ASCC3: variants seen among roughly 807,000 people sequenced by gnomAD.
ASCC3 encodes ASC-1 complex subunit P200.
ASCC3 carries 158 observed loss-of-function variants against 256.3 expected under a neutral mutation model. That is an observed-to-expected ratio of 0.62 (90% confidence interval 0.54 to 0.70). The LOEUF (loss-of-function observed/expected upper bound fraction) is 0.70. ASCC3 is among the 30% of genes least tolerant of loss of function. ASCC3 has a pLI of 0.00. For missense variants in ASCC3, 2,259 were observed against 2,626.0 expected (o/e 0.86, Z 3.05); for synonymous variants, 948 against 883.4 (o/e 1.07, Z -1.30).
chr6:100,652,543 G>C (rs1775723310), intron 18 of ASCC3, among the ~76,000 whole-genome samples, 182 bp downstream of exon 18: 1 of 152,092 alleles, frequency 6.6e-6, no homozygotes, highest in African/African-American at 2.4e-5. Flanking sequence ...GATGACAAGA[G>C]GTTCCTTAGT....
rs1161256922 is a variant in ASCC3, at chr6:100,642,703, A to G, written c.3779T>C (p.Phe1260Ser). 1 of 1,613,920 alleles carries G rather than the reference A, an allele frequency of 6.2e-7. No homozygotes were observed. The highest frequency in any genetic ancestry group is 2.2e-5 in the East Asian group (1 of 44,828). Reference sequence around the variant, plus strand: ...GTAGTATTGGGAAGGCAAAGGCTCAAAAATAGGGATTGTAAATACCAGTAG... The same window carrying G: ...GTAGTATTGGGAAGGCAAAGGCTCAGAAATAGGGATTGTAAATACCAGTAG... ...AQLLVFTIPI[F>S]EPLPSQYYIR... The change falls in exon 24 of 42, where the codon TTT becomes TCT. Residue 1260 changes from phenylalanine to serine, a missense_variant. By Grantham distance (155) the Phe-to-Ser change is radical. This residue lies in a region of ASCC3 where 1,839 missense variants were observed against 2,206.7 expected (regional missense o/e 0.83). Transcript: ENST00000369162.
At chr6:100,646,115 G>A (rs771740801) in intron 22 of ASCC3, among the ~76,000 whole-genome samples, 18 of 151,968 alleles carry the variant, frequency 1.2e-4, no homozygotes, top group Non-Finnish European at 2.4e-4. Flanking sequence ...CAAAAATGAA[G>A]ATAACATAGA....
At chr6:100,602,778 T>C (rs1243609713) in intron 33 of ASCC3, among the ~76,000 whole-genome samples, 1 of 152,098 alleles carries the variant, frequency 6.6e-6, no homozygotes, top group Non-Finnish European at 1.5e-5. Context: ...AACAAAATGT[T>C]TAGTTTAGTT....
In ASCC3 at chr6:100,800,465, T is replaced by C. The variant is rs1417580885; in HGVS notation, c.962A>G (p.Asn321Ser). The C allele has an allele frequency of 5.6e-6, 9 of 1,611,950 alleles. No homozygotes were observed. The highest frequency in any genetic ancestry group is 6.8e-6 in the Non-Finnish European group (8 of 1,179,032). ...CTGAATAGTGACTTGACAACCATAA[T>C]TGGGTTTAGCATTTTCTCCTAAAAT... is the stretch of plus-strand genomic sequence containing the variant. ...KKILGENAKP[N>S]YGCQVTIQSE... Residue 321 changes from asparagine (N) to serine (S), a missense_variant, in exon 6 of 42, where the codon AAT becomes AGT. Coordinates refer to ENST00000369162, the MANE Select transcript of ASCC3 (RefSeq NM_006828.4).
At position 100,644,132 on chromosome 6, in the gene ASCC3, A is replaced by G; in HGVS notation, c.3634-3T>C. The G allele has an allele frequency of 6.3e-7, 1 of 1,599,928 alleles. No individual in the cohort carries two copies. Among genetic ancestry groups the G allele is most frequent in the Non-Finnish European group, 8.6e-7 (1 of 1,167,664 alleles). On this transcript the variant is annotated splice_polypyrimidine_tract_variant and splice_region_variant and intron_variant, in intron 22 of 41. Transcript: ENST00000369162. ...GGTTCTCCTACTGTCCCATGTACCT[A>G]GAAGAAAAATAGCATCCTGCTACTA... is the stretch of plus-strand genomic sequence containing the variant.
At chr6:100,566,655 C>T (rs550388830) in intron 36 of ASCC3, among the ~76,000 whole-genome samples, 1 of 152,122 alleles carries the variant, frequency 6.6e-6, no homozygotes, top group South Asian at 2.1e-4. Flanking sequence ...TCCATTTATG[C>T]ATTGATTGCC....
intron 2 of ASCC3, among the ~76,000 whole-genome samples, chr6:100,865,890 C>T (rs1328579562): frequency 6.6e-6 from 1 of 152,118 alleles, no homozygotes; most frequent in African/African-American, 2.4e-5. Flanking sequence ...TTCCCTGTGA[C>T]ATTTATATGA....
chr6:100,603,046 C>T (rs530133121), intron 33 of ASCC3, among the ~76,000 whole-genome samples: 36 of 152,094 alleles, frequency 2.4e-4, no homozygotes, highest in African/African-American at 8.2e-4. Context: ...CCAGCAATTT[C>T]ACTTTTTCAT....
At chr6:100,624,052 CACATGTAT>C (rs1021504922) in intron 30 of ASCC3, among the ~76,000 whole-genome samples, 5 of 151,138 alleles carry the variant, frequency 3.3e-5, no homozygotes, top group Non-Finnish European at 7.4e-5. Flanking sequence ...ACCAACATGG[CACATGTAT>C]ACATATGTAA....
At chr6:100,615,044 C>T (rs1351302043) in intron 30 of ASCC3, among the ~76,000 whole-genome samples, 1 of 151,082 alleles carries the variant, frequency 6.6e-6, no homozygotes. Context: ...GAGATGGAGT[C>T]TCGCTCTGTC....
chr6:100,644,112 T>C lies in ASCC3; in HGVS notation c.3651A>G (p.Gly1217=). Residue 1217 remains glycine, a synonymous_variant, in exon 23 of 42, where the codon GGA becomes GGG. Transcript: ENST00000369162. ...TWNDQVHGTV[G]EPWWIWVEDP... is the part of the protein sequence containing the mutation. ...CTTCTACCCAAATCCACCAAGGTTC[T>C]CCTACTGTCCCATGTACCTAGAAGA... 6.2e-7 allele frequency: 1 copy of C among 1,612,202 alleles called. No homozygotes were observed. Among genetic ancestry groups the C allele is most frequent in the Non-Finnish European group, 8.5e-7 (1 of 1,178,710 alleles).
intron 37 of ASCC3, among the ~76,000 whole-genome samples, chr6:100,529,510 A>G (rs945578443): frequency 6.6e-6 from 1 of 152,178 alleles, no homozygotes; most frequent in African/African-American, 2.4e-5. Context: ...GTTAAAGTAA[A>G]TACAGGCAGA....
chr6:100,685,862 C>G (rs1244182218), intron 13 of ASCC3, among the ~76,000 whole-genome samples: 1 of 152,152 alleles, frequency 6.6e-6, no homozygotes, highest in African/African-American at 2.4e-5. Context: ...CATAGTTAGA[C>G]ACTACAAGTC....
chr6:100,696,557 C>T (rs1376719631), intron 13 of ASCC3, among the ~76,000 whole-genome samples: 1 of 151,880 alleles, frequency 6.6e-6, no homozygotes, highest in Non-Finnish European at 1.5e-5. Context: ...AGATTCAATA[C>T]ATCATTCTCT....
intron 4 of ASCC3, 54 bp downstream of exon 4, chr6:100,848,094 A>C (rs1028030764): frequency 1.4e-6 from 2 of 1,475,398 alleles, no homozygotes; most frequent in African/African-American, 2.8e-5. Context: ...AAAAAACACT[A>C]TTTCATTAGG....
chr6:100,764,038 T>C (rs1018543944), intron 10 of ASCC3, among the ~76,000 whole-genome samples: 1 of 152,220 alleles, frequency 6.6e-6, no homozygotes, highest in African/African-American at 2.4e-5. Flanking sequence ...CTCAGGGAAG[T>C]TGCACATATG....
intron 36 of ASCC3, among the ~76,000 whole-genome samples, chr6:100,547,610 A>G (rs1303988548): frequency 2.0e-5 from 3 of 152,046 alleles, no homozygotes; most frequent in Non-Finnish European, 2.9e-5. Flanking sequence ...ATAAATTAGA[A>G]TGGCCAAAAT....
In ASCC3 at chr6:100,798,579, T is replaced by C. The variant is rs187515194; in HGVS notation, c.1395+134A>G. On this transcript the variant is annotated intron_variant, in intron 8 of 41. Coordinates refer to ENST00000369162, the MANE Select transcript of ASCC3 (RefSeq NM_006828.4). ...TTTTTAAACTCTCCTACTGTAATTC[T>C]CTAGTAACCAACTATATATGTCTGT... 3.8e-5 allele frequency: 50 copies of C among 1,326,912 alleles called. No individual in the cohort carries two copies. In the African/African-American group the frequency reaches 6.9e-4, roughly 18 times the overall value. The allele number at this position is 1,326,912 out of a possible 1,614,324, so 82.2% of individuals were successfully genotyped here. A position where few individuals can be genotyped will look rare whatever the true frequency, so the allele number is the denominator to read the frequency against.
Position 100,655,814 on chromosome 6 carries a change from G to A in ASCC3, c.2708C>T (p.Ala903Val), listed in dbSNP as rs776308908. The A allele has an allele frequency of 6.2e-7, 1 of 1,610,684 alleles. No homozygotes were observed. Among genetic ancestry groups the A allele is most frequent in the Admixed American group, 1.7e-5 (1 of 59,930 alleles). Residue 903 changes from alanine to valine, a missense_variant, in exon 17 of 42, where the codon GCT (alanine) becomes GTT (valine). Ala to Val is a moderately conservative substitution (Grantham distance 64). Coordinates refer to ENST00000369162, the MANE Select transcript of ASCC3 (RefSeq NM_006828.4). ...SLADNLNAEIALGTVTNVEEA... is the reference protein window; with the variant it reads ...SLADNLNAEIVLGTVTNVEEA... Reference sequence around the variant, plus strand: ...TTCCACATTAGTAACTGTTCCCAGAGCAATCTGCAAATCAAAAAGATGACA... The same window carrying A: ...TTCCACATTAGTAACTGTTCCCAGAACAATCTGCAAATCAAAAAGATGACA...
Sources: gnomAD v4.1 joint callset for allele counts (sites outside exome capture counted in the v4.1 genomes callset) on GRCh38, gnomAD v4.1.1 for gene constraint, gnomAD v4.1.1 regional missense constraint, MANE v1.5 for transcripts, NCBI Gene and HGNC (gene_info 2026-07-23, HGNC 2026-07-21) for gene names.